The following TMEM232 variants were observed in gnomAD, a reference collection of about 807,000 sequenced individuals.
TMEM232 encodes transmembrane protein 232.
A neutral mutation model predicts 78.8 loss-of-function variants in TMEM232; 80 were observed. That is an observed-to-expected ratio of 1.01 (90% confidence interval 0.85 to 1.22). The LOEUF (loss-of-function observed/expected upper bound fraction) is 1.22, where lower values mean the gene tolerates loss of function less well. TMEM232 is among the 50% of genes most tolerant of loss of function. The probability of loss-of-function intolerance (pLI) is 0.00; values close to 1 mark genes in which losing one functional copy is unlikely to be tolerated. For missense variants in TMEM232, 881 were observed against 742.2 expected (o/e 1.19, Z -2.17); for synonymous variants, 297 against 254.3 (o/e 1.17, Z -1.60).
intron 8 of TMEM232, among the ~76,000 whole-genome samples, chr5:110,609,218 CA>C (rs1285302997): frequency 6.6e-6 from 1 of 151,808 alleles, no homozygotes; most frequent in African/African-American, 2.4e-5. Context: ...TTGACAATGT[CA>C]AAAATCCACA....
chr5:110,530,992 C>A (rs989661392), intron 11 of TMEM232, among the ~76,000 whole-genome samples: 1 of 152,190 alleles, frequency 6.6e-6, no homozygotes, highest in African/African-American at 2.4e-5. Flanking sequence ...TGCCCGTACA[C>A]ATCCAGATGG....
intron 1 of TMEM232, among the ~76,000 whole-genome samples, chr5:110,697,016 C>T (rs1036200058): frequency 5.9e-5 from 9 of 152,146 alleles, no homozygotes; most frequent in Non-Finnish European, 1.0e-4. Context: ...AAGAACAAAG[C>T]TGGAGGCATC....
At chr5:110,498,652 A>AG (rs1765883610) in intron 12 of TMEM232, among the ~76,000 whole-genome samples, 1 of 152,172 alleles carries the variant, frequency 6.6e-6, no homozygotes, top group African/African-American at 2.4e-5. Flanking sequence ...ACTTCACTTA[A>AG]GGGAACACTA....
rs952353245 is a variant in TMEM232 at position 110,715,994 on chromosome 5, T to C, written c.-13+10633A>G. Among the ~76,000 whole-genome samples the C allele has an allele frequency of 9.9e-5, 15 of 152,138 alleles. 1 individual carries two copies. Among genetic ancestry groups the C allele is most frequent in the Admixed American group, 4.6e-4 (7 of 15,252 alleles). On this transcript the variant is annotated intron_variant, in intron 1 of 13. Transcript: ENST00000455884. ...ATCAGAAAATTTTTAAATCTACCTA[T>C]GTCCTGGAACCCACCACTCCCAGCT...
At chr5:110,588,226 C>T (rs889243538) in intron 10 of TMEM232, among the ~76,000 whole-genome samples, 6 of 152,096 alleles carry the variant, frequency 3.9e-5, no homozygotes, top group African/African-American at 9.7e-5. Context: ...ATTTCATTCA[C>T]TACTGTCATT....
chr5:110,719,193 A>G (rs1408728124), intron 1 of TMEM232, among the ~76,000 whole-genome samples: 1 of 151,804 alleles, frequency 6.6e-6, no homozygotes. Context: ...ATACATGTAT[A>G]TATGTATATA....
chr5:110,497,964 G>A (rs764572042), intron 12 of TMEM232, among the ~76,000 whole-genome samples: 5 of 152,016 alleles, frequency 3.3e-5, no homozygotes, highest in Admixed American at 1.3e-4. Flanking sequence ...CTTGGATATG[G>A]GTCGTACAAG....
chr5:110,428,106 C>T (rs949431775), intron 12 of TMEM232, among the ~76,000 whole-genome samples: 36 of 151,792 alleles, frequency 2.4e-4, no homozygotes, highest in Admixed American at 6.6e-4. Flanking sequence ...ATTTTTTGTA[C>T]CCATTAACCA....
At chr5:110,438,645 A>T (rs1758692829) in intron 12 of TMEM232, among the ~76,000 whole-genome samples, 2 of 152,050 alleles carry the variant, frequency 1.3e-5, no homozygotes, top group Admixed American at 1.3e-4. Context: ...ATTTGCAGAA[A>T]CCAAGACCAG....
At chr5:110,595,928 C>T (rs1481445785) in intron 10 of TMEM232, among the ~76,000 whole-genome samples, 1 of 152,028 alleles carries the variant, frequency 6.6e-6, no homozygotes. Flanking sequence ...ACAGAGAACA[C>T]CACTAAGATA....
At chr5:110,418,213 T>C (rs1305066806), downstream of TMEM232, 1 of 152,214 alleles carries the variant, frequency 6.6e-6, no homozygotes, top group Non-Finnish European at 1.5e-5. Context: ...AAATTCTCTC[T>C]GTTAAAATGA....
At chr5:110,515,033 C>T (rs1768396643) in intron 12 of TMEM232, among the ~76,000 whole-genome samples, 1 of 152,172 alleles carries the variant, frequency 6.6e-6, no homozygotes, top group Non-Finnish European at 1.5e-5. Flanking sequence ...GAGAAGAAAA[C>T]AGCACAGTGA....
At chr5:110,579,661 A>G (rs1777949607) in intron 10 of TMEM232, among the ~76,000 whole-genome samples, 1 of 151,592 alleles carries the variant, frequency 6.6e-6, no homozygotes, top group Non-Finnish European at 1.5e-5. Context: ...CTCAAAGGAA[A>G]TACCTACAGA....
chr5:110,540,541 T>C (rs1279040857), intron 11 of TMEM232, among the ~76,000 whole-genome samples: 1 of 152,202 alleles, frequency 6.6e-6, no homozygotes, highest in Non-Finnish European at 1.5e-5. Context: ...TCATTGCACA[T>C]ACATTCATAT....
chr5:110,676,080 T>C (rs981703453), intron 1 of TMEM232, among the ~76,000 whole-genome samples: 1 of 152,234 alleles, frequency 6.6e-6, no homozygotes, highest in Non-Finnish European at 1.5e-5. Flanking sequence ...TTCATCCATG[T>C]CATCTCAAAT....
At chr5:110,454,527 G>A (rs1760682060) in intron 12 of TMEM232, among the ~76,000 whole-genome samples, 2 of 151,490 alleles carry the variant, frequency 1.3e-5, no homozygotes, top group African/African-American at 4.8e-5. Context: ...AAAGATATAT[G>A]GAAAATGACT....
Position 110,395,286 on chromosome 5 carries a change from G to A in TMEM232, n.390+2487C>T, listed in dbSNP as rs1580546234. Among the ~76,000 whole-genome samples the A allele has an allele frequency of 2.6e-5, 4 of 152,240 alleles. No homozygotes were observed. In the South Asian group the frequency reaches 8.3e-4, roughly 32 times the overall value. ...GCCCCACTGCCCCAGGCCTGCATCAGCAGGGACACATTTTTCAGGATTTTT... is the reference window on the plus strand; with the variant it reads ...GCCCCACTGCCCCAGGCCTGCATCAACAGGGACACATTTTTCAGGATTTTT... On this transcript the variant is annotated intron_variant and non_coding_transcript_variant, in intron 3 of 8. Coordinates refer to the TMEM232 transcript ENST00000507188.
chr5:110,676,913 C>T (rs1405171230), intron 1 of TMEM232, among the ~76,000 whole-genome samples: 2 of 152,074 alleles, frequency 1.3e-5, no homozygotes, highest in Non-Finnish European at 2.9e-5. Flanking sequence ...CACCTGCCAC[C>T]ATGCCGGGCC....
intron 12 of TMEM232, among the ~76,000 whole-genome samples, chr5:110,509,741 G>A (rs926141966): frequency 6.6e-6 from 1 of 151,996 alleles, no homozygotes; most frequent in Non-Finnish European, 1.5e-5. Context: ...ACACATATGG[G>A]AATGACTCCT....
Sources: allele counts gnomAD v4.1 joint callset (sites outside exome capture counted in the v4.1 genomes callset), GRCh38; gene constraint gnomAD v4.1.1; transcripts MANE v1.5; gene names NCBI Gene and HGNC (gene_info 2026-07-23, HGNC 2026-07-21).